Variants in CEP83 observed in about 807,000 individuals in gnomAD.
CEP83 encodes centrosomal protein 83, also known as centrosomal protein of 83 kDa.
In CEP83, 70 loss-of-function variants were observed where a neutral mutation model predicts 101.9. The observed-to-expected ratio is 0.69, with a 90% CI of 0.57 to 0.84. The LOEUF is 0.84. CEP83 is among the 40% of genes least tolerant of loss of function. The pLI is 0.00. For missense variants in CEP83, 715 were observed against 787.2 expected (o/e 0.91, Z 1.10); for synonymous variants, 264 against 267.9 (o/e 0.99, Z 0.14).
intron 2 of CEP83, among the ~76,000 whole-genome samples, chr12:94,417,324 A>G (rs977674246): frequency 2.6e-5 from 4 of 152,140 alleles, no homozygotes; most frequent in African/African-American, 9.7e-5. Context: ...CTCTTAAAAA[A>G]AAACAAAAAC....
At chr12:94,385,776 A>C (rs1593598921) in intron 6 of CEP83, among the ~76,000 whole-genome samples, 1 of 152,180 alleles carries the variant, frequency 6.6e-6, no homozygotes, top group East Asian at 1.9e-4. Context: ...GCTAAGATAT[A>C]GTAATGAGCC....
intron 15 of CEP83, among the ~76,000 whole-genome samples, chr12:94,311,160 G>A (rs1969806514): frequency 1.3e-5 from 2 of 152,190 alleles, no homozygotes; most frequent in African/African-American, 4.8e-5. Context: ...AAAGCATGGG[G>A]TCAGAGAGCT....
At chr12:94,352,158 C>CG (rs1188506212) in intron 11 of CEP83, among the ~76,000 whole-genome samples, 1 of 152,146 alleles carries the variant, frequency 6.6e-6, no homozygotes, top group African/African-American at 2.4e-5. Flanking sequence ...TGGTGGTTCA[C>CG]GCCTGTAATT....
the CEP83 span, among the ~76,000 whole-genome samples, chr12:94,299,775 G>C: frequency 6.6e-6 from 1 of 152,096 alleles, no homozygotes; most frequent in Non-Finnish European, 1.5e-5. Flanking sequence ...GCCCAGGCTG[G>C]TCTCAAACTC....
chr12:94,306,682 A>AT (rs1224323956), downstream of CEP83: 1 of 152,144 alleles, frequency 6.6e-6, no homozygotes, highest in Non-Finnish European at 1.5e-5. Context: ...CCTTGAAATC[A>AT]TTTACCAACA....
intron 6 of CEP83, among the ~76,000 whole-genome samples, chr12:94,399,918 T>C (rs1384411516): frequency 1.3e-5 from 2 of 152,222 alleles, no homozygotes; most frequent in Non-Finnish European, 2.9e-5. Context: ...CCAAGGTTCA[T>C]ATAGCTTCTT....
chr12:94,267,383 C>G, the CEP83 span, among the ~76,000 whole-genome samples: 1 of 152,122 alleles, frequency 6.6e-6, no homozygotes, highest in Non-Finnish European at 1.5e-5. Flanking sequence ...CAATTAAGAC[C>G]ATGTGTTTCT....
chr12:94,322,144 G>A (rs1349607430), intron 14 of CEP83, among the ~76,000 whole-genome samples: 2 of 152,022 alleles, frequency 1.3e-5, no homozygotes, highest in African/African-American at 4.8e-5. Context: ...ACAGGATCAG[G>A]GACCCACATA....
At position 94,367,960 on chromosome 12, in the gene CEP83, T is replaced by A. The variant is rs752402166; in HGVS notation, c.1194-17A>T. ...AGTTCTAACCTAAAACAAGAGATCA[T>A]AATTATGTTACAAGAACTATAATAA... On this transcript the variant is annotated splice_polypyrimidine_tract_variant and intron_variant, in intron 10 of 16. Coordinates refer to ENST00000397809, the MANE Select transcript of CEP83 (RefSeq NM_016122.3). 1 of 1,609,856 alleles carries A rather than the reference T, an allele frequency of 6.2e-7. No individual in the cohort carries two copies. The highest frequency in any genetic ancestry group is 2.2e-5 in the East Asian group (1 of 44,814).
intron 9 of CEP83, 33 bp from the exon 10 acceptor site, chr12:94,368,234 T>G: frequency 3.2e-6 from 5 of 1,539,266 alleles, no homozygotes; most frequent in Non-Finnish European, 4.4e-6. Flanking sequence ...GTGTACTATA[T>G]TCAATGTTAT....
intron 11 of CEP83, among the ~76,000 whole-genome samples, chr12:94,336,441 G>A (rs531529181): frequency 2.0e-5 from 3 of 152,262 alleles, no homozygotes; most frequent in African/African-American, 7.2e-5. Flanking sequence ...GGTATTATTA[G>A]CATGTCTTAT....
At chr12:94,454,294 A>C (rs1464630369) in intron 1 of CEP83, among the ~76,000 whole-genome samples, 1 of 152,180 alleles carries the variant, frequency 6.6e-6, no homozygotes, top group Non-Finnish European at 1.5e-5. Context: ...CTTTAATTGA[A>C]CCAGTATTTT....
chr12:94,377,664 G>A (rs566466267), intron 7 of CEP83, among the ~76,000 whole-genome samples: 22 of 152,256 alleles, frequency 1.4e-4, no homozygotes, highest in Non-Finnish European at 2.5e-4. Flanking sequence ...AGGCTCTTCT[G>A]AAAATGTCAC....
rs200860374 is a variant in CEP83 at position 94,368,130 on chromosome 12, G to C, written c.1120C>G (p.Arg374Gly). 1.2e-6 allele frequency: 2 copies of C among 1,612,216 alleles called. No homozygotes were observed. The highest frequency in any genetic ancestry group is 3.3e-5 in the Admixed American group (2 of 59,970). ...HHKVLLVEKDRELIRKVQAAK... is the reference protein window; with the variant it reads ...HHKVLLVEKDGELIRKVQAAK... ...GCTTGTACTTTACGTATTAATTCACGATCCTTTTCTACTAAGAGCACTTTG... is the reference window on the plus strand; with the variant it reads ...GCTTGTACTTTACGTATTAATTCACCATCCTTTTCTACTAAGAGCACTTTG... Residue 374 changes from arginine (R) to glycine (G), a missense_variant, in exon 10 of 17, where the codon CGT (arginine) becomes GGT (glycine). Coordinates refer to ENST00000397809, the MANE Select transcript of CEP83 (RefSeq NM_016122.3).
intron 11 of CEP83, among the ~76,000 whole-genome samples, chr12:94,345,489 T>TG (rs896231586): frequency 6.6e-6 from 1 of 152,144 alleles, no homozygotes; most frequent in African/African-American, 2.4e-5. Flanking sequence ...GTTATAATAC[T>TG]GGGGTGCTCT....
chr12:94,425,441 C>A (rs903784179), intron 2 of CEP83, among the ~76,000 whole-genome samples: 6 of 152,192 alleles, frequency 3.9e-5, no homozygotes, highest in Non-Finnish European at 7.3e-5. Context: ...TTATCCTACA[C>A]TTATAAAACC....
Position 94,426,121 on chromosome 12 carries a change from C to CA in CEP83, c.-102+9153dup, listed in dbSNP as rs202127826. ...TGGGTGACAGAGCGAAACTCCGTCTCAAAAAAAAAAAAAAGAAATGAAAAC... is the reference window on the plus strand; with the variant it reads ...TGGGTGACAGAGCGAAACTCCGTCTCAAAAAAAAAAAAAAAGAAATGAAAAC... On this transcript the variant is annotated intron_variant, in intron 2 of 16. Transcript: ENST00000397809. 5.7e-3 allele frequency among the ~76,000 whole-genome samples: 684 copies of CA among 121,020 alleles called. 3 individuals carry two copies. Among genetic ancestry groups the CA allele is most frequent in the East Asian group, 0.032 (137 of 4,220 alleles). 79.4% of individuals were successfully genotyped at this position (121,020 alleles called of 152,430 possible).
intron 11 of CEP83, among the ~76,000 whole-genome samples, chr12:94,341,747 T>C (rs971937347): frequency 2.6e-5 from 4 of 152,254 alleles, no homozygotes; most frequent in Non-Finnish European, 5.9e-5. Flanking sequence ...GAATGAAAGC[T>C]GTTTTATATA....
Position 94,398,593 on chromosome 12 carries a change from G to C in CEP83, c.549+2257C>G, listed in dbSNP as rs112037522. Among the ~76,000 whole-genome samples the C allele has an allele frequency of 8.7e-3, 1,322 of 152,162 alleles. 26 individuals carry two copies. The highest frequency in any genetic ancestry group is 0.03 in the African/African-American group (1,254 of 41,498). ...AAATTTGATTGTAAAACGTGTGTTT[G>C]AACAATATGAAATCAGTGCACCTTG... On this transcript the variant is annotated intron_variant, in intron 6 of 16. Transcript: ENST00000397809.
Sources: gnomAD v4.1 joint callset for allele counts (sites outside exome capture counted in the v4.1 genomes callset) on GRCh38, gnomAD v4.1.1 for gene constraint, MANE v1.5 for transcripts, NCBI Gene and HGNC (gene_info 2026-07-23, HGNC 2026-07-21) for gene names.